The following SLC16A12 variants were observed in gnomAD, a reference collection of about 807,000 sequenced individuals.
SLC16A12 encodes solute carrier family 16 member 12.
In SLC16A12, 17 loss-of-function variants were observed where a neutral mutation model predicts 42.4. The observed-to-expected ratio is 0.40, with a 90% CI of 0.27 to 0.60. The LOEUF (loss-of-function observed/expected upper bound fraction) is 0.60. SLC16A12 is among the 20% of genes least tolerant of loss of function. The pLI is 0.42. For missense variants in SLC16A12, 544 were observed against 623.0 expected (o/e 0.87, Z 1.35); for synonymous variants, 224 against 229.4 (o/e 0.98, Z 0.21).
At chr10:89,505,066 T>G (rs1242379495) in intron 2 of SLC16A12, among the ~76,000 whole-genome samples, 1 of 152,106 alleles carries the variant, frequency 6.6e-6, no homozygotes, top group East Asian at 1.9e-4. Context: ...TTATACATGT[T>G]ATACATAATT....
chr10:89,546,012 G>A (rs1289852510), intron 2 of SLC16A12, among the ~76,000 whole-genome samples: 1 of 152,024 alleles, frequency 6.6e-6, no homozygotes, highest in Admixed American at 6.6e-5. Flanking sequence ...AACTGGACCC[G>A]TTCCTTACAT....
chr10:89,450,587 G>A (rs906338093), intron 3 of SLC16A12, among the ~76,000 whole-genome samples: 4 of 152,124 alleles, frequency 2.6e-5, no homozygotes, highest in African/African-American at 7.2e-5. Context: ...GCAGGGAACG[G>A]CACACACTGG....
intron 2 of SLC16A12, among the ~76,000 whole-genome samples, chr10:89,482,271 A>G (rs1366585605): frequency 6.6e-6 from 1 of 151,842 alleles, no homozygotes; most frequent in Non-Finnish European, 1.5e-5. Flanking sequence ...AAAGAAAAAA[A>G]GGCTAAAGTA....
At chr10:89,459,866 G>C (rs1842267296) in intron 3 of SLC16A12, among the ~76,000 whole-genome samples, 1 of 152,164 alleles carries the variant, frequency 6.6e-6, no homozygotes, top group Admixed American at 6.5e-5. Flanking sequence ...ACTTGAACCC[G>C]GGAGGCGGAG....
intron 3 of SLC16A12, among the ~76,000 whole-genome samples, chr10:89,454,067 T>A (rs1329363250): frequency 1.3e-5 from 2 of 151,820 alleles, no homozygotes; most frequent in African/African-American, 4.8e-5. Flanking sequence ...CAGGCTGGAG[T>A]GCAGTGTGTG....
At chr10:89,482,070 T>C (rs1009087732) in intron 2 of SLC16A12, among the ~76,000 whole-genome samples, 4 of 151,868 alleles carry the variant, frequency 2.6e-5, no homozygotes, top group Non-Finnish European at 5.9e-5. Context: ...ACAGAGAAAA[T>C]AAATTTTTTG....
At chr10:89,504,664 G>C (rs929159890) in intron 2 of SLC16A12, among the ~76,000 whole-genome samples, 1 of 152,184 alleles carries the variant, frequency 6.6e-6, no homozygotes. Context: ...TCCCAGGCTA[G>C]TTGTAATTAA....
chr10:89,462,129 A>G (rs1564576840), intron 3 of SLC16A12, among the ~76,000 whole-genome samples: 5 of 152,182 alleles, frequency 3.3e-5, no homozygotes, highest in African/African-American at 9.7e-5. Flanking sequence ...TTGCAAAGGA[A>G]ACGATACCTG....
At chr10:89,482,729 G>A (rs946913887) in intron 2 of SLC16A12, among the ~76,000 whole-genome samples, 1 of 150,092 alleles carries the variant, frequency 6.7e-6, no homozygotes, top group Non-Finnish European at 1.5e-5. Context: ...GTTGCAATGA[G>A]ACAAGATCAC....
chr10:89,485,389 C>CATT (rs1432805103), intron 2 of SLC16A12, among the ~76,000 whole-genome samples: 1 of 152,220 alleles, frequency 6.6e-6, no homozygotes, highest in Non-Finnish European at 1.5e-5. Flanking sequence ...AAATGAGTTG[C>CATT]ATTAGCTCCA....
In SLC16A12 at chr10:89,512,552, AT is replaced by A. The variant is rs142070570; in HGVS notation, c.-47+21948del. ...ATGGTTAATGATTATTGCCTATGCA[AT>A]TATGCCTCCATTAAAACCCAAAAGG... On this transcript the variant is annotated intron_variant, in intron 2 of 7. Transcript: ENST00000371790. Among the ~76,000 whole-genome samples the A allele has an allele frequency of 8.6e-4, 131 of 152,326 alleles. No individual in the cohort carries two copies. The East Asian group carries it at 0.018, about 22-fold the overall frequency.
At position 89,438,777 on chromosome 10, in the gene SLC16A12, C is replaced by T. The variant is rs560512074; in HGVS notation, c.855G>A (p.Val285=). Residue 285 remains valine, a synonymous_variant, in exon 6 of 8, where the codon GTG becomes GTA. Coordinates refer to ENST00000371790, the MANE Select transcript of SLC16A12 (RefSeq NM_213606.4). ...YSFLLMSDFV[V]LAVSVLFMAY... is the part of the protein sequence containing the mutation. ...CCATAAACAGAACGGAGACGGCTAA[C>T]ACAACAAAGTCTGACATGAGTAAAA... 5 of 1,614,170 alleles carry T rather than the reference C, an allele frequency of 3.1e-6. No homozygotes were observed. The African/African-American group carries it at 5.3e-5, about 17-fold the overall frequency.
intron 2 of SLC16A12, among the ~76,000 whole-genome samples, chr10:89,530,663 C>T (rs1843536161): frequency 6.6e-6 from 1 of 152,158 alleles, no homozygotes; most frequent in Non-Finnish European, 1.5e-5. Context: ...TTGTGATTTG[C>T]CCGCCCCGGC....
intron 2 of SLC16A12, among the ~76,000 whole-genome samples, chr10:89,486,208 G>A (rs1460727896): frequency 6.6e-6 from 1 of 151,998 alleles, no homozygotes; most frequent in Non-Finnish European, 1.5e-5. Flanking sequence ...CTCACTGCCT[G>A]GTACTGAGGA....
intron 2 of SLC16A12, among the ~76,000 whole-genome samples, chr10:89,495,314 C>T (rs930782075): frequency 6.6e-6 from 1 of 152,116 alleles, no homozygotes; most frequent in Non-Finnish European, 1.5e-5. Flanking sequence ...AGATCCGCCA[C>T]TGCACTCCAG....
At chr10:89,433,932 G>T (rs1277002464) in intron 7 of SLC16A12, among the ~76,000 whole-genome samples, 2 of 151,972 alleles carry the variant, frequency 1.3e-5, no homozygotes, top group Non-Finnish European at 2.9e-5. Flanking sequence ...GGAAAACCGG[G>T]CATATGATAT....
At chr10:89,546,318 T>C (rs954839550) in intron 2 of SLC16A12, among the ~76,000 whole-genome samples, 6 of 152,046 alleles carry the variant, frequency 3.9e-5, no homozygotes. Context: ...ATCCAGCATC[T>C]ACAAGGAAAT....
intron 2 of SLC16A12, among the ~76,000 whole-genome samples, chr10:89,468,885 T>C (rs1369469044): frequency 6.6e-6 from 1 of 152,124 alleles, no homozygotes; most frequent in Non-Finnish European, 1.5e-5. Context: ...ATCCCAGCAC[T>C]TTTGGAGGCC....
chr10:89,503,602 A>G (rs182370212), intron 2 of SLC16A12, among the ~76,000 whole-genome samples: 1 of 152,354 alleles, frequency 6.6e-6, no homozygotes, highest in East Asian at 1.9e-4. Flanking sequence ...TAAAGAAGAG[A>G]TGTGGACAGG....
Sources: allele counts gnomAD v4.1 joint callset (sites outside exome capture counted in the v4.1 genomes callset), GRCh38; gene constraint gnomAD v4.1.1; transcripts MANE v1.5; gene names NCBI Gene and HGNC (gene_info 2026-07-23, HGNC 2026-07-21).